MEGF10: variants seen among roughly 807,000 people sequenced by gnomAD.
MEGF10 encodes multiple EGF like domains 10, also known as multiple epidermal growth factor-like domains protein 10.
Under a neutral mutation model 147.5 loss-of-function variants are expected in MEGF10, and 86 were observed. The observed-to-expected ratio is 0.58, with a 90% confidence interval of 0.49 to 0.70. MEGF10 has a LOEUF of 0.70. Ranked by LOEUF, MEGF10 falls within the 30% of genes least tolerant of loss-of-function variation. The pLI is 0.00. For synonymous variants in MEGF10, 478 were observed against 525.5 expected (o/e 0.91, Z 1.24); for missense variants, 1,329 against 1,487.3 (o/e 0.89, Z 1.75).
chr5:127,400,997 C>T lies in MEGF10; in HGVS notation c.781-1549C>T, dbSNP rs116502517. Among the ~76,000 whole-genome samples the T allele has an allele frequency of 4.9e-3, 745 of 152,188 alleles. 6 individuals carry two copies. The highest frequency in any genetic ancestry group is 0.017 in the African/African-American group (697 of 41,502). On this transcript the variant is annotated intron_variant, in intron 7 of 24. Transcript: ENST00000503335. Reference sequence around the variant, plus strand: ...AGACACACATACCTTCATATTGAAACGAAGAGAAATCATGTCCTCTTTAAA... The same window carrying T: ...AGACACACATACCTTCATATTGAAATGAAGAGAAATCATGTCCTCTTTAAA...
chr5:127,297,841 C>T (rs952494070), intron 1 of MEGF10, among the ~76,000 whole-genome samples: 4 of 152,160 alleles, frequency 2.6e-5, no homozygotes, highest in African/African-American at 7.2e-5. Context: ...GGCTAGAAAT[C>T]TTCCTCCCTA....
intron 5 of MEGF10, among the ~76,000 whole-genome samples, chr5:127,385,154 A>C (rs774162273): frequency 3.9e-5 from 6 of 152,170 alleles, no homozygotes; most frequent in Non-Finnish European, 8.8e-5. Context: ...TAAAGTATTA[A>C]ATTTTCTTCT....
the MEGF10 span, among the ~76,000 whole-genome samples, chr5:127,260,622 G>A: frequency 6.6e-6 from 1 of 152,054 alleles, no homozygotes; most frequent in Non-Finnish European, 1.5e-5. Context: ...GTGGTGGAGA[G>A]ATGAGTATCT....
chr5:127,316,161 T>A (rs1760540874), intron 1 of MEGF10, among the ~76,000 whole-genome samples: 1 of 152,232 alleles, frequency 6.6e-6, no homozygotes, highest in East Asian at 1.9e-4. Flanking sequence ...CCTCCTTATC[T>A]TGCTTTATTA....
the MEGF10 span, among the ~76,000 whole-genome samples, chr5:127,282,775 A>G: frequency 6.6e-6 from 1 of 152,202 alleles, no homozygotes; most frequent in Non-Finnish European, 1.5e-5. Flanking sequence ...CTGTCTCACT[A>G]TGGAAGTTTG....
chr5:127,230,976 A>G, the MEGF10 span, among the ~76,000 whole-genome samples: 1 of 152,148 alleles, frequency 6.6e-6, no homozygotes, highest in Admixed American at 6.5e-5. Context: ...GTCCTGTGTC[A>G]GTGAAGGGCA....
At chr5:127,392,786 G>A (rs114343553) in intron 5 of MEGF10, among the ~76,000 whole-genome samples, 387 of 152,196 alleles carry the variant, frequency 2.5e-3, no homozygotes, top group African/African-American at 5.1e-3. Context: ...TTTCACTTAC[G>A]GACTGGAGCT....
At chr5:127,447,328 A>G (rs1765973268) in intron 20 of MEGF10, among the ~76,000 whole-genome samples, 1 of 151,834 alleles carries the variant, frequency 6.6e-6, no homozygotes, top group Non-Finnish European at 1.5e-5. Context: ...GGCGCATGCT[A>G]CCGTGCCCGG....
At chr5:127,438,192 T>G (rs906842936) in intron 16 of MEGF10, among the ~76,000 whole-genome samples, 1 of 152,140 alleles carries the variant, frequency 6.6e-6, no homozygotes, top group Non-Finnish European at 1.5e-5. Context: ...AAACTTGAGG[T>G]GATTTTTGCC....
chr5:127,447,778 C>T, intron 21 of MEGF10, 94 bp downstream of exon 21: 1 of 1,468,836 alleles, frequency 6.8e-7, no homozygotes, highest in Non-Finnish European at 9.3e-7. Flanking sequence ...AGAGGCTGTT[C>T]TAGGTACTTT....
intron 2 of MEGF10, among the ~76,000 whole-genome samples, chr5:127,338,529 G>T (rs561440166): frequency 3.3e-5 from 5 of 152,156 alleles, no homozygotes; most frequent in Admixed American, 2.6e-4. Flanking sequence ...TAGGCTAATT[G>T]TCTCAGCCAT....
At chr5:127,348,518 T>A (rs1761977571) in intron 4 of MEGF10, among the ~76,000 whole-genome samples, 1 of 152,184 alleles carries the variant, frequency 6.6e-6, no homozygotes, top group Non-Finnish European at 1.5e-5. Context: ...CTATTCAGTA[T>A]TTGTTAAACG....
rs116078277 is a variant in MEGF10, at chr5:127,415,815, A to G, written c.1131-1823A>G. On this transcript the variant is annotated intron_variant, in intron 9 of 24. Coordinates refer to ENST00000503335, the MANE Select transcript of MEGF10 (RefSeq NM_001256545.2). ...CTACTCGGGAGGCTGAGGCAGAAGA[A>G]TCACTTGAATGGTGGAGATTGTAGT... is the stretch of plus-strand genomic sequence containing the variant. Among the ~76,000 whole-genome samples the G allele has an allele frequency of 2.0e-3, 299 of 150,972 alleles. 1 individual carries two copies. Among genetic ancestry groups the G allele is most frequent in the African/African-American group, 7.1e-3 (291 of 41,138 alleles).
chr5:127,433,310 C>T (rs1317738555), intron 13 of MEGF10, 53 bp from the exon 14 acceptor site: 14 of 1,611,404 alleles, frequency 8.7e-6, no homozygotes, highest in African/African-American at 1.3e-5. Flanking sequence ...TTAGCATCTG[C>T]GGAAACTCCG....
intron 5 of MEGF10, 35 bp from the exon 6 acceptor site, chr5:127,396,497 C>T: frequency 6.7e-7 from 1 of 1,499,530 alleles, no homozygotes; most frequent in South Asian, 1.4e-5. Context: ...TCTCCCTTAC[C>T]CACTGATATC....
chr5:127,439,846 A>G (rs1018986930), intron 17 of MEGF10, among the ~76,000 whole-genome samples: 2 of 152,326 alleles, frequency 1.3e-5, no homozygotes, highest in Non-Finnish European at 2.9e-5. Context: ...TGCTGTAAAG[A>G]TTAAACAAGA....
intron 4 of MEGF10, among the ~76,000 whole-genome samples, chr5:127,344,335 T>C (rs916209363): frequency 6.6e-6 from 1 of 152,214 alleles, no homozygotes; most frequent in Non-Finnish European, 1.5e-5. Context: ...TACATTATCT[T>C]ATAAAATTTC....
At chr5:127,363,927 A>T (rs1399737637) in intron 4 of MEGF10, among the ~76,000 whole-genome samples, 10 of 152,112 alleles carry the variant, frequency 6.6e-5, no homozygotes, top group Admixed American at 6.5e-4. Flanking sequence ...AACGTTATGG[A>T]ACTTCAGGGA....
chr5:127,310,054 C>G (rs71592869), intron 1 of MEGF10, among the ~76,000 whole-genome samples: 1 of 123,810 alleles, frequency 8.1e-6, no homozygotes, highest in Non-Finnish European at 1.7e-5. Context: ...TTATTTCTTT[C>G]TTTCTTTCTT....
Sources: allele counts gnomAD v4.1 joint callset (sites outside exome capture counted in the v4.1 genomes callset), GRCh38; gene constraint gnomAD v4.1.1; transcripts MANE v1.5; gene names NCBI Gene and HGNC (gene_info 2026-07-23, HGNC 2026-07-21).